The following POTEC variants were observed in gnomAD, a reference collection of about 807,000 sequenced individuals.
POTEC encodes the protein ANKRD26-like family B member 2.
POTEC carries 35 observed loss-of-function variants against 62.0 expected under a neutral mutation model. That is an observed-to-expected ratio of 0.56 (90% CI 0.43 to 0.75). The LOEUF (loss-of-function observed/expected upper bound fraction) is 0.75. Ranked by LOEUF, POTEC falls within the 30% of genes least tolerant of loss-of-function variation. The pLI, the probability that POTEC is intolerant of heterozygous loss-of-function variation, is 0.00. For missense variants in POTEC, 472 were observed against 655.9 expected (o/e 0.72, Z 3.06); for synonymous variants, 156 against 221.5 (o/e 0.70, Z 2.62).
intron 9 of POTEC, among the ~76,000 whole-genome samples, chr18:14,520,381 C>A (rs572364216): frequency 1.3e-5 from 2 of 149,986 alleles, no homozygotes; most frequent in South Asian, 4.2e-4. Flanking sequence ...CATGCTTATA[C>A]ATAAAGACCA....
chr18:14,531,297 T>C (rs1798092153), intron 5 of POTEC, among the ~76,000 whole-genome samples: 1 of 149,878 alleles, frequency 6.7e-6, no homozygotes, highest in South Asian at 2.1e-4. Flanking sequence ...GAAAAACCAA[T>C]GGATGTTAAG....
At chr18:14,531,346 ACT>A (rs1905507171) in intron 5 of POTEC, among the ~76,000 whole-genome samples, 1 of 150,506 alleles carries the variant, frequency 6.6e-6, no homozygotes, top group Non-Finnish European at 1.5e-5. Flanking sequence ...ATAGACTCAA[ACT>A]CTGAGCCAGC....
chr18:14,530,081 T>TC, intron 6 of POTEC, among the ~76,000 whole-genome samples: 1 of 151,812 alleles, frequency 6.6e-6, no homozygotes, highest in Non-Finnish European at 1.5e-5. Context: ...GAACTCTGCC[T>TC]CCAGTCAGAT....
chr18:14,510,905 G>A lies in POTEC; in HGVS notation c.*993C>T, dbSNP rs1288870779. ...GTCTGGTCCTCCCCCTGGGAGCTCT[G>A]ACTCAGGAGGCCTGAAACCTCTGTG... is the stretch of plus-strand genomic sequence containing the variant. On this transcript the variant is annotated 3_prime_UTR_variant, in exon 11 of 11. Coordinates refer to ENST00000358970, the MANE Select transcript of POTEC (RefSeq NM_001137671.2). 6.6e-6 allele frequency: 1 copy of A among 152,268 alleles called. No homozygotes were observed. Among genetic ancestry groups the A allele is most frequent in the Non-Finnish European group, 1.5e-5 (1 of 68,124 alleles). The allele number at this position is 152,268 out of a possible 1,614,324, so 9.4% of individuals were successfully genotyped here.
At chr18:14,523,638 T>C (rs1237060132) in intron 7 of POTEC, 131 bp from the exon 8 acceptor site, 1 of 330,984 alleles carries the variant, frequency 3.0e-6, no homozygotes, top group African/African-American at 2.2e-5. Context: ...GAAAATAAAA[T>C]AAAATTTAAC....
intron 6 of POTEC, among the ~76,000 whole-genome samples, chr18:14,525,552 T>C (rs1015909486): frequency 5.3e-5 from 8 of 151,862 alleles, no homozygotes; most frequent in African/African-American, 1.9e-4. Flanking sequence ...TTGCAAATTC[T>C]TGTTTTCCTT....
intron 6 of POTEC, among the ~76,000 whole-genome samples, chr18:14,525,737 CTT>C (rs199833967): frequency 0.021 from 3,183 of 151,972 alleles, 54 homozygotes; most frequent in Non-Finnish European, 0.03. Flanking sequence ...ATACAATCCT[CTT>C]GTTTGACCCA....
At position 14,542,631 on chromosome 18, in the gene POTEC, T is replaced by G; in HGVS notation, c.516A>C (p.Gln172His). The change falls in exon 1 of 11, where the codon CAA becomes CAC. Residue 172 changes from glutamine to histidine, a missense_variant. Physicochemically the swap from Gln to His is conservative, Grantham distance 24 (BLOSUM62 0). This residue lies in a region of POTEC where 257 missense variants were observed against 250.7 expected (regional missense o/e 1.03). Coordinates refer to ENST00000358970, the MANE Select transcript of POTEC (RefSeq NM_001137671.2). ...CCCATCCCAGGCCCAGTTACCTCTT[T>G]TGCTTGTCCCTCTTGTTCATGTCCG... Reference protein sequence around the residue: ...RDTDMNKRDKQKRTALHLASA... With the variant: ...RDTDMNKRDKHKRTALHLASA... 6.2e-7 allele frequency: 1 copy of G among 1,612,370 alleles called. No homozygotes were observed. Among genetic ancestry groups the G allele is most frequent in the Non-Finnish European group, 8.5e-7 (1 of 1,179,944 alleles).
intron 7 of POTEC, 109 bp from the exon 8 acceptor site, chr18:14,523,616 C>T (rs1375536866): frequency 2.7e-6 from 1 of 370,936 alleles, no homozygotes; most frequent in Non-Finnish European, 4.7e-6. Flanking sequence ...CAAGTATGGA[C>T]ATGAAAAATT....
rs527662301 is a variant in POTEC, at chr18:14,511,666, T to C, written c.*232A>G. On this transcript the variant is annotated 3_prime_UTR_variant, in exon 11 of 11. Transcript: ENST00000358970. ...CAGTAGTCAGTCTACAATGACATGA[T>C]TGAATTTCCATTTCCAGTGTTTCCT... is the stretch of plus-strand genomic sequence containing the variant. 15 of 590,822 alleles carry C rather than the reference T, an allele frequency of 2.5e-5. No homozygotes were observed. Among genetic ancestry groups the C allele is most frequent in the African/African-American group, 1.5e-4 (7 of 47,292 alleles). 36.6% of individuals were successfully genotyped at this position (590,822 alleles called of 1,614,324 possible).
At chr18:14,513,513 T>C (rs1375830017) in intron 10 of POTEC, 149 bp downstream of exon 10, 18 of 1,312,036 alleles carry the variant, frequency 1.4e-5, no homozygotes, top group Non-Finnish European at 1.8e-5. Flanking sequence ...ACCAAGGATA[T>C]ACAGGGTGTG....
At chr18:14,531,723 G>A (rs1905523646) in intron 5 of POTEC, 1 of 151,934 alleles carries the variant, frequency 6.6e-6, no homozygotes, top group South Asian at 2.1e-4. Context: ...TTATGCAGAA[G>A]CCATGCTAAC....
At chr18:14,513,880 A>G in intron 9 of POTEC, 95 bp from the exon 10 acceptor site, 3 of 1,584,826 alleles carry the variant, frequency 1.9e-6, no homozygotes, top group East Asian at 4.5e-5. Context: ...CACACAATGC[A>G]TATCTGCACA....
Position 14,511,011 on chromosome 18 carries a change from G to A in POTEC, c.*887C>T, listed in dbSNP as rs1311882234. On this transcript the variant is annotated 3_prime_UTR_variant, in exon 11 of 11. Transcript: ENST00000358970. ...GTGATTAGAAATGTGGTTGGGGACTGGCTTAAACAAGAATCTGGCCACGTT... is the reference window on the plus strand; with the variant it reads ...GTGATTAGAAATGTGGTTGGGGACTAGCTTAAACAAGAATCTGGCCACGTT... The A allele has an allele frequency of 3.3e-5, 5 of 152,164 alleles. No homozygotes were observed. Among genetic ancestry groups the A allele is most frequent in the African/African-American group, 1.2e-4 (5 of 41,408 alleles). The allele number at this position is 152,164 out of a possible 1,614,324, so 9.4% of individuals were successfully genotyped here. A position where few individuals can be genotyped will look rare whatever the true frequency, so the allele number is the denominator to read the frequency against.
chr18:14,520,394 A>C (rs1910280144), intron 9 of POTEC, among the ~76,000 whole-genome samples: 1 of 151,074 alleles, frequency 6.6e-6, no homozygotes, highest in African/African-American at 2.4e-5. Flanking sequence ...AAAGACCAAG[A>C]AAAACTAAAA....
intron 9 of POTEC, among the ~76,000 whole-genome samples, chr18:14,516,297 T>TG (rs1273509584): frequency 5.7e-5 from 2 of 34,830 alleles, no homozygotes; most frequent in Admixed American, 1.1e-3. Flanking sequence ...TAAAGAAAAT[T>TG]TTATATATAT....
chr18:14,515,387 A>G (rs1268023950), intron 9 of POTEC, among the ~76,000 whole-genome samples: 1 of 152,176 alleles, frequency 6.6e-6, no homozygotes, highest in African/African-American at 2.4e-5. Flanking sequence ...CAACTCAGAA[A>G]AAAGGCCACT....
rs1906026573 is a variant in POTEC at position 14,543,291 on chromosome 18, G to A, written c.-145C>T. ...GCCAAAACTTGCCAACCCCAGCAAGGGAGCCCAGTCCACCCCACCCAGGGA... is the reference window on the plus strand; with the variant it reads ...GCCAAAACTTGCCAACCCCAGCAAGAGAGCCCAGTCCACCCCACCCAGGGA... On this transcript the variant is annotated 5_prime_UTR_variant, in exon 1 of 11. Coordinates refer to ENST00000358970, the MANE Select transcript of POTEC (RefSeq NM_001137671.2). 2 of 1,379,034 alleles carry A rather than the reference G, an allele frequency of 1.5e-6. No individual in the cohort carries two copies. The highest frequency in any genetic ancestry group is 2.0e-6 in the Non-Finnish European group (2 of 1,018,398). 85.4% of individuals were successfully genotyped at this position (1,379,034 alleles called of 1,614,324 possible). A position where few individuals can be genotyped will look rare whatever the true frequency, so the allele number is the denominator to read the frequency against.
At chr18:14,521,503 T>A (rs1232602633) in intron 9 of POTEC, among the ~76,000 whole-genome samples, 1 of 152,196 alleles carries the variant, frequency 6.6e-6, no homozygotes, top group African/African-American at 2.4e-5. Context: ...AGGATCCATC[T>A]TTTTATATAA....
Sources: gnomAD v4.1 joint callset for allele counts (sites outside exome capture counted in the v4.1 genomes callset) on GRCh38, gnomAD v4.1.1 for gene constraint, gnomAD v4.1.1 regional missense constraint, MANE v1.5 for transcripts, NCBI Gene and HGNC (gene_info 2026-07-23, HGNC 2026-07-21) for gene names.